HCFC1: variants seen among roughly 807,000 people sequenced by gnomAD.
HCFC1 encodes the protein host cell factor C1.
In HCFC1, 7 loss-of-function variants were observed where a neutral mutation model predicts 105.5. The ratio of observed to expected loss-of-function variants is 0.07; its 90% CI spans 0.04 to 0.12. The LOEUF is 0.12. Among genes scored for constraint, HCFC1 ranks in the 10% least tolerant of loss-of-function variants. HCFC1 has a pLI of 1.00. For synonymous variants in HCFC1, 918 were observed against 828.1 expected (o/e 1.11, Z -1.86); for missense variants, 1,065 against 1,823.6 (o/e 0.58, Z 7.58).
rs781825982 is a variant in HCFC1, at chrX:153,954,532, G to C, written c.3867C>G (p.Cys1289Trp). The C allele has an allele frequency of 1.3e-5, 16 of 1,211,608 alleles. No individual in the cohort carries two copies. The highest frequency in any genetic ancestry group is 1.2e-5 in the Non-Finnish European group (11 of 895,215). Residue 1289 changes from cysteine (C) to tryptophan (W), a missense_variant, in exon 17 of 26, where the codon TGC (cysteine) becomes TGG (tryptophan). By Grantham distance (215) the Cys-to-Trp change is radical. Around this residue, in one of 17 missense-constraint regions of HCFC1, gnomAD observed 546 missense variants for 599.9 expected, o/e 0.91. Transcript: ENST00000310441. The stretch of plus-strand genomic sequence containing the variant: ...CGTGGGTCTCACATGGTGGGTTGGA[G>C]CAGACTTGGGTCACGGTGGCCGAGG... The part of the protein sequence containing the change: ...LCPSATVTQV[C>W]SNPPCETHET...
chrX:153,954,207 T>C lies in HCFC1; in HGVS notation c.4192A>G (p.Ser1398Gly), dbSNP rs1216715736. The C allele has an allele frequency of 8.3e-7, 1 of 1,203,675 alleles. No homozygotes were observed. Among genetic ancestry groups the C allele is most frequent in the African/African-American group, 1.8e-5 (1 of 55,114 alleles). The change falls in exon 17 of 26, where the codon AGC (serine) becomes GGC (glycine). Residue 1398 changes from serine to glycine, a missense_variant. By Grantham distance (56) the Ser-to-Gly change is moderately conservative. Around this residue, in one of 17 missense-constraint regions of HCFC1, gnomAD observed 546 missense variants for 599.9 expected, o/e 0.91. Transcript: ENST00000310441. ...ESGLEVAAAPSVTPQAGTALL... is the reference protein window; with the variant it reads ...ESGLEVAAAPGVTPQAGTALL... Reference sequence around the variant, plus strand: ...GCGGTGCCAGCCTGGGGGGTGACGCTGGGTGCCGCCGCCACCTCTAGGCCA... The same window carrying C: ...GCGGTGCCAGCCTGGGGGGTGACGCCGGGTGCCGCCGCCACCTCTAGGCCA...
rs1446971324 is a variant in HCFC1 at position 153,953,623 on chromosome X, G to A, written c.4481C>T (p.Pro1494Leu). 2 of 1,208,345 alleles carry A rather than the reference G, an allele frequency of 1.7e-6. No individual in the cohort carries two copies. Among genetic ancestry groups the A allele is most frequent in the Non-Finnish European group, 2.2e-6 (2 of 894,782 alleles). ...GGCTCTTACCGGCACAGAGGGGCCCGGGACCGGTGTGGACTGCGTCACGGT... is the reference window on the plus strand; with the variant it reads ...GGCTCTTACCGGCACAGAGGGGCCCAGGACCGGTGTGGACTGCGTCACGGT... ...VTTVTQSTPV[P>L]GPSVPPPEEL... Residue 1494 changes from proline to leucine, a missense_variant, in exon 18 of 26, where the codon CCG (proline) becomes CTG (leucine). By Grantham distance (98) the Pro-to-Leu change is moderately conservative (BLOSUM62 -3). Coordinates refer to ENST00000310441, the MANE Select transcript of HCFC1 (RefSeq NM_005334.3).
intron 1 of HCFC1, among the ~76,000 whole-genome samples, chrX:153,966,540 C>G (rs1170914966): frequency 8.9e-6 from 1 of 112,889 alleles, no homozygotes; most frequent in Non-Finnish European, 1.9e-5. Flanking sequence ...AGGCCAACAG[C>G]CTTGCGCACT....
chrX:153,951,663 C>T lies in HCFC1; in HGVS notation c.5305G>A (p.Val1769Met), dbSNP rs782290592. 9 of 1,209,592 alleles carry T rather than the reference C, an allele frequency of 7.4e-6. No individual in the cohort carries two copies. In the East Asian group the frequency reaches 1.5e-4, roughly 20 times the overall value. ...NTFVAPQPVV[V>M]ASPAKLQAAA... ...GCCTGCAGCTTGGCTGGGCTGGCCA[C>T]CACAACCGGCTGGGGGGCCACAAAT... The change falls in exon 21 of 26, where the codon GTG becomes ATG. Residue 1769 changes from valine (V) to methionine (M), a missense_variant. By Grantham distance (21) the Val-to-Met change is conservative. Around this residue, in one of 17 missense-constraint regions of HCFC1, gnomAD observed 115 missense variants for 143.7 expected, o/e 0.80. Transcript: ENST00000310441.
At position 153,956,209 on chromosome X, in the gene HCFC1, G is replaced by A; in HGVS notation, c.2838C>T (p.Thr946=). The change falls in exon 16 of 26, where the codon ACC becomes ACT. Residue 946 remains threonine, a synonymous_variant. Coordinates refer to ENST00000310441, the MANE Select transcript of HCFC1 (RefSeq NM_005334.3). The part of the protein sequence containing the change: ...TTLTAAGGLT[T]PTITMQPVSQ... Reference sequence around the variant, plus strand: ...GCCCTACCTGCATGGTGATGGTTGGGGTTGTGAGCCCGCCTGCCGCTGTCA... The same window carrying A: ...GCCCTACCTGCATGGTGATGGTTGGAGTTGTGAGCCCGCCTGCCGCTGTCA... 2 of 1,211,444 alleles carry A rather than the reference G, an allele frequency of 1.7e-6. No individual in the cohort carries two copies. Among genetic ancestry groups the A allele is most frequent in the Non-Finnish European group, 2.2e-6 (2 of 895,174 alleles).
In HCFC1 at chrX:153,971,591, C is replaced by T. The variant is rs1007054323; in HGVS notation, c.-751G>A. ...CGCCTGCCGCCGTGGGAGCCGCCAT[C>T]TTGAGACTAGCTCCCCGTTCCCCCC... On this transcript the variant is annotated 5_prime_UTR_variant, in exon 1 of 26. Transcript: ENST00000310441. 6.4e-5 allele frequency: 19 copies of T among 294,949 alleles called. No individual in the cohort carries two copies. Among genetic ancestry groups the T allele is most frequent in the Non-Finnish European group, 9.5e-5 (16 of 169,159 alleles). 24.3% of individuals were successfully genotyped at this position (294,949 alleles called of 1,213,427 possible).
At chrX:153,952,427 G>A in intron 19 of HCFC1, 87 bp downstream of exon 19, 1 of 1,009,528 alleles carries the variant, frequency 9.9e-7, no homozygotes, top group East Asian at 3.2e-5. Flanking sequence ...CACCCTCGAG[G>A]GAAATGGGCT....
intron 6 of HCFC1, among the ~76,000 whole-genome samples, chrX:153,960,755 T>A (rs137912991): frequency 1.8e-5 from 2 of 112,159 alleles, no homozygotes; most frequent in Non-Finnish European, 3.8e-5. Context: ...AAACACACAC[T>A]CTCACGCAAA....
chrX:153,957,557 G>C (rs781793932), intron 12 of HCFC1, 24 bp from the exon 13 acceptor site: 7 of 1,115,104 alleles, frequency 6.3e-6, no homozygotes, highest in Non-Finnish European at 8.6e-6. Flanking sequence ...GCAGGTGCAT[G>C]AGCCGGCATC....
chrX:153,950,655 A>G, intron 23 of HCFC1, 112 bp from the exon 24 acceptor site: 1 of 867,336 alleles, frequency 1.2e-6, no homozygotes, highest in Non-Finnish European at 1.6e-6. Flanking sequence ...TCCATGTGGT[A>G]GTTCAAGGAG....
At position 153,954,798 on chromosome X, in the gene HCFC1, G is replaced by A. The variant is rs1557114096; in HGVS notation, c.3601C>T (p.Pro1201Ser). 8.6e-7 allele frequency: 1 copy of A among 1,164,586 alleles called. No homozygotes were observed. Among genetic ancestry groups the A allele is most frequent in the Admixed American group, 2.6e-5 (1 of 38,781 alleles). The stretch of plus-strand genomic sequence containing the variant: ...ACAAAAGCAGGGCTGCGGCCCCCGG[G>A]CTCCCGTGCCATGCTCGGCCCAAGG... ...PLLGPSMARE[P>S]GGRSPAFVQL... The change falls in exon 17 of 26, where the codon CCC (proline) becomes TCC (serine). Residue 1201 changes from proline (P) to serine (S), a missense_variant. Transcript: ENST00000310441.
At chrX:153,956,792 C>T (rs782390783) in intron 14 of HCFC1, 29 bp from the exon 15 acceptor site, 17 of 1,209,684 alleles carry the variant, frequency 1.4e-5, no homozygotes, top group Non-Finnish European at 1.9e-5. Flanking sequence ...GTGCCACCAA[C>T]GTCACCACCA....
Position 153,955,252 on chromosome X carries a change from G to A in HCFC1, c.3147C>T (p.Val1049=), listed in dbSNP as rs1216876345. 1 of 1,209,928 alleles carries A rather than the reference G, an allele frequency of 8.3e-7. No individual in the cohort carries two copies. The highest frequency in any genetic ancestry group is 1.1e-6 in the Non-Finnish European group (1 of 895,018). ...AAGCAGCTGCCTCCTGTCTGTCACA[G>A]ACGAACTGCACTTGGGTGGGCTGGG... ...GHPQPTQVQF[V]CDRQEAAASL... Residue 1049 remains valine (V), a synonymous_variant, in exon 17 of 26, where the codon GTC becomes GTT. Transcript: ENST00000310441.
chrX:153,956,043 G>A (rs1343601413), intron 16 of HCFC1, 148 bp downstream of exon 16: 5 of 509,101 alleles, frequency 9.8e-6, no homozygotes, highest in Non-Finnish European at 1.6e-5. Flanking sequence ...CAGGGAAAAT[G>A]CCCCAGGTGA....
At chrX:153,970,588 G>T in intron 1 of HCFC1, 60 bp downstream of exon 1, 1 of 845,593 alleles carries the variant, frequency 1.2e-6, no homozygotes, top group Non-Finnish European at 1.7e-6. Context: ...GGAAAGAGGA[G>T]GGAGAGGGAG....
intron 1 of HCFC1, among the ~76,000 whole-genome samples, chrX:153,970,423 G>A (rs781911856): frequency 3.6e-4 from 36 of 98,953 alleles, no homozygotes; most frequent in African/African-American, 1.3e-3. Context: ...AAGCCGATCA[G>A]TGGGGAGGGA....
chrX:153,955,945 C>G (rs2065371882), intron 16 of HCFC1, among the ~76,000 whole-genome samples: 1 of 113,255 alleles, frequency 8.8e-6, no homozygotes, highest in Non-Finnish European at 1.9e-5. Context: ...TAGAACACTG[C>G]GAGAGGAAGA....
intron 3 of HCFC1, 131 bp from the exon 4 acceptor site, chrX:153,963,564 T>C (rs2065448624): frequency 2.1e-6 from 1 of 475,470 alleles, no homozygotes; most frequent in Non-Finnish European, 3.6e-6. Context: ...GAAGTTCTTC[T>C]ACCCTAGCTC....
In HCFC1 at chrX:153,953,739, C is replaced by T. The variant is rs1557113377; in HGVS notation, c.4365G>A (p.Glu1455=). ...DPPPAASDQG[E]VESTQGDSVN... ...CGCTGTCGCCCTGGGTGCTCTCCACCTCTCCCTGATCGCTGGCAGCAGGTG... is the reference window on the plus strand; with the variant it reads ...CGCTGTCGCCCTGGGTGCTCTCCACTTCTCCCTGATCGCTGGCAGCAGGTG... Residue 1455 remains glutamate (E), a synonymous_variant, in exon 18 of 26, where the codon GAG becomes GAA. Transcript: ENST00000310441. 1 of 1,210,031 alleles carries T rather than the reference C, an allele frequency of 8.3e-7. No homozygotes were observed. Among genetic ancestry groups the T allele is most frequent in the South Asian group, 1.8e-5 (1 of 56,745 alleles).
Sources: gnomAD v4.1 joint callset for allele counts (sites outside exome capture counted in the v4.1 genomes callset) on GRCh38, gnomAD v4.1.1 for gene constraint, gnomAD v4.1.1 regional missense constraint, MANE v1.5 for transcripts, NCBI Gene and HGNC (gene_info 2026-07-23, HGNC 2026-07-21) for gene names.